KCNQ5: variants seen among roughly 807,000 people sequenced by gnomAD.
The protein encoded by KCNQ5 is potassium voltage-gated channel subfamily Q member 5.
KCNQ5 carries 30 observed loss-of-function variants against 98.2 expected under a neutral mutation model. The ratio of observed to expected loss-of-function variants is 0.31; its 90% CI spans 0.23 to 0.41. KCNQ5 has a LOEUF of 0.41. KCNQ5 is among the 10% of genes least tolerant of loss of function. The pLI is 1.00. For synonymous variants in KCNQ5, 458 were observed against 449.4 expected, an observed-to-expected ratio of 1.02 and a Z score of -0.24; for missense variants, 835 against 1,182.5, an observed-to-expected ratio of 0.71 and a Z score of 4.31.
At chr6:72,912,217 G>A (rs1256750946) in intron 1 of KCNQ5, among the ~76,000 whole-genome samples, 6 of 152,158 alleles carry the variant, frequency 3.9e-5, no homozygotes, top group African/African-American at 7.2e-5. Context: ...ATTACTTGGA[G>A]GGCATTATGT....
intron 1 of KCNQ5, among the ~76,000 whole-genome samples, chr6:72,887,589 T>C (rs1581960007): frequency 6.6e-6 from 1 of 152,186 alleles, no homozygotes; most frequent in Admixed American, 6.5e-5. Context: ...CATTAAATAA[T>C]ACAATTAAAA....
chr6:72,700,515 C>T (rs1768750002), intron 1 of KCNQ5, among the ~76,000 whole-genome samples: 1 of 152,130 alleles, frequency 6.6e-6, no homozygotes, highest in African/African-American at 2.4e-5. Flanking sequence ...ATATCCAGTT[C>T]TGTGGTTCTA....
chr6:73,148,777 A>G (rs1307761008), intron 10 of KCNQ5, among the ~76,000 whole-genome samples: 1 of 152,204 alleles, frequency 6.6e-6, no homozygotes, highest in East Asian at 1.9e-4. Context: ...TGAGAAAACA[A>G]CAACAGTGCC....
At chr6:72,779,821 CTGTGTG>C (rs35526812) in intron 1 of KCNQ5, among the ~76,000 whole-genome samples, 5,457 of 124,732 alleles carry the variant, frequency 0.044, 179 homozygotes, top group African/African-American at 0.067. Context: ...ATTTAATTTT[CTGTGTG>C]TGTGTGTGTG....
chr6:72,691,606 G>C (rs1248646380), intron 1 of KCNQ5, among the ~76,000 whole-genome samples: 2 of 152,124 alleles, frequency 1.3e-5, no homozygotes, highest in African/African-American at 4.8e-5. Flanking sequence ...GAAATATCAA[G>C]AAAGGAATAG....
chr6:72,690,333 T>C (rs1019151951), intron 1 of KCNQ5, among the ~76,000 whole-genome samples: 1 of 152,214 alleles, frequency 6.6e-6, no homozygotes, highest in African/African-American at 2.4e-5. Context: ...ATTAATATAA[T>C]TTCATCATCA....
At chr6:72,806,678 C>T (rs1274750821) in intron 1 of KCNQ5, among the ~76,000 whole-genome samples, 1 of 152,002 alleles carries the variant, frequency 6.6e-6, no homozygotes, top group Non-Finnish European at 1.5e-5. Context: ...CCCAATATTC[C>T]TATTATTAAG....
chr6:72,784,964 A>G (rs1236916735), intron 1 of KCNQ5, among the ~76,000 whole-genome samples: 3 of 152,178 alleles, frequency 2.0e-5, no homozygotes, highest in Non-Finnish European at 4.4e-5. Flanking sequence ...TAATACATCT[A>G]AGCACCAAAC....
chr6:72,855,737 A>G (rs1248534024), intron 1 of KCNQ5, among the ~76,000 whole-genome samples: 4 of 152,214 alleles, frequency 2.6e-5, no homozygotes, highest in Admixed American at 2.6e-4. Context: ...ATGCTGTAGA[A>G]ATAATGAGTG....
intron 1 of KCNQ5, among the ~76,000 whole-genome samples, chr6:72,639,516 G>C (rs1565049225): frequency 6.6e-6 from 1 of 152,148 alleles, no homozygotes; most frequent in Non-Finnish European, 1.5e-5. Flanking sequence ...TTTCAAAAGG[G>C]ACCATGCAGG....
intron 1 of KCNQ5, among the ~76,000 whole-genome samples, chr6:72,741,854 G>A (rs2154476197): frequency 6.6e-6 from 1 of 152,244 alleles, no homozygotes; most frequent in South Asian, 2.1e-4. Context: ...TGTTATAAAA[G>A]AACAGGAAAC....
rs73753212 is a variant in KCNQ5 at position 72,932,301 on chromosome 6, G to A, written c.399-71607G>A. Reference sequence around the variant, plus strand: ...GTGTGTGTGCATGTGTGTGATGAGCGTGGCAGGGAAATAAGGAGAAAGGGA... The same window carrying A: ...GTGTGTGTGCATGTGTGTGATGAGCATGGCAGGGAAATAAGGAGAAAGGGA... On this transcript the variant is annotated intron_variant, in intron 1 of 13. Coordinates refer to ENST00000370398, the MANE Select transcript of KCNQ5 (RefSeq NM_019842.4). 3.2e-3 allele frequency among the ~76,000 whole-genome samples: 480 copies of A among 152,058 alleles called. 4 individuals carry two copies. The highest frequency in any genetic ancestry group is 0.011 in the African/African-American group (453 of 41,488).
chr6:72,711,184 A>G (rs1769349540), intron 1 of KCNQ5, among the ~76,000 whole-genome samples: 1 of 152,032 alleles, frequency 6.6e-6, no homozygotes, highest in African/African-American at 2.4e-5. Flanking sequence ...AGAAGAAGAG[A>G]CATTAAGAAT....
intron 1 of KCNQ5, among the ~76,000 whole-genome samples, chr6:72,894,755 A>G (rs1189512419): frequency 4.6e-5 from 7 of 152,190 alleles, no homozygotes; most frequent in African/African-American, 1.7e-4. Context: ...TTTGCCTTAC[A>G]TAGAGGGAAA....
chr6:72,762,672 A>G (rs983761445), intron 1 of KCNQ5, among the ~76,000 whole-genome samples: 1 of 152,108 alleles, frequency 6.6e-6, no homozygotes, highest in African/African-American at 2.4e-5. Flanking sequence ...TAGGTACTAG[A>G]ATAAACACAG....
chr6:72,861,483 C>T (rs1322440245), intron 1 of KCNQ5, among the ~76,000 whole-genome samples: 2 of 152,108 alleles, frequency 1.3e-5, no homozygotes, highest in African/African-American at 4.8e-5. Flanking sequence ...AAAGAATTCA[C>T]CAGAATGTCC....
intron 1 of KCNQ5, among the ~76,000 whole-genome samples, chr6:72,973,318 T>TC (rs1767992494): frequency 6.6e-6 from 1 of 151,768 alleles, no homozygotes; most frequent in Non-Finnish European, 1.5e-5. Flanking sequence ...CATAAACTTC[T>TC]CTAAAAAAAC....
At chr6:72,761,052 T>C (rs1165470986) in intron 1 of KCNQ5, among the ~76,000 whole-genome samples, 1 of 152,148 alleles carries the variant, frequency 6.6e-6, no homozygotes, top group Non-Finnish European at 1.5e-5. Context: ...TGGATGTATG[T>C]GTCAATTCCG....
chr6:72,922,882 G>C (rs1193890252), intron 1 of KCNQ5, among the ~76,000 whole-genome samples: 1 of 133,956 alleles, frequency 7.5e-6, no homozygotes. Context: ...CTCAATCTTG[G>C]CTCACTGCAA....
Sources: allele counts gnomAD v4.1 joint callset (sites outside exome capture counted in the v4.1 genomes callset), GRCh38; gene constraint gnomAD v4.1.1; transcripts MANE v1.5; gene names NCBI Gene and HGNC (gene_info 2026-07-23, HGNC 2026-07-21).